CPNE4: variants seen among roughly 807,000 people sequenced by gnomAD.
CPNE4 encodes the protein copine 4, also known as copine-4.
A neutral mutation model predicts 67.9 loss-of-function variants in CPNE4; 25 were observed. That is an observed-to-expected ratio of 0.37 (90% CI 0.27 to 0.51). The LOEUF (loss-of-function observed/expected upper bound fraction) is 0.51, where lower values mean the gene tolerates loss of function less well. Ranked by LOEUF, CPNE4 falls within the 20% of genes least tolerant of loss-of-function variation. CPNE4 has a pLI of 0.93. For synonymous variants in CPNE4, 242 were observed against 244.9 expected, an observed-to-expected ratio of 0.99 and a Z score of 0.11; for missense variants, 464 against 690.8, an observed-to-expected ratio of 0.67 and a Z score of 3.68.
chr3:131,905,571 A>G, intron 1 of CPNE4, 127 bp from the exon 2 acceptor site: 2 of 824,330 alleles, frequency 2.4e-6, no homozygotes. Context: ...GAAGGTATTT[A>G]TCTCACTTTC....
intron 2 of CPNE4, among the ~76,000 whole-genome samples, chr3:131,751,636 G>A (rs2082627492): frequency 6.6e-6 from 1 of 152,000 alleles, no homozygotes; most frequent in Non-Finnish European, 1.5e-5. Context: ...TCATCTTAGT[G>A]TTGGAATACA....
intron 2 of CPNE4, among the ~76,000 whole-genome samples, chr3:131,825,986 C>T (rs1258498477): frequency 6.6e-6 from 1 of 152,182 alleles, no homozygotes; most frequent in Non-Finnish European, 1.5e-5. Context: ...TATCAGGTCA[C>T]TCAGAATTTA....
chr3:131,716,439 C>T (rs896242134), intron 3 of CPNE4, among the ~76,000 whole-genome samples: 3 of 152,096 alleles, frequency 2.0e-5, no homozygotes, highest in South Asian at 2.1e-4. Flanking sequence ...AATAAATACA[C>T]GTGTACGTGT....
chr3:131,675,046 C>T (rs1351843503), intron 6 of CPNE4, among the ~76,000 whole-genome samples: 1 of 151,818 alleles, frequency 6.6e-6, no homozygotes, highest in Non-Finnish European at 1.5e-5. Context: ...TTTACATTTC[C>T]TTCTTAATTT....
At chr3:131,780,722 G>A (rs547780999) in intron 2 of CPNE4, among the ~76,000 whole-genome samples, 2 of 152,228 alleles carry the variant, frequency 1.3e-5, no homozygotes, top group African/African-American at 4.8e-5. Context: ...TGGGTGTTAT[G>A]TTGATTGCCT....
At chr3:131,764,424 A>T (rs545016575) in intron 2 of CPNE4, among the ~76,000 whole-genome samples, 19 of 152,102 alleles carry the variant, frequency 1.2e-4, no homozygotes, top group Non-Finnish European at 1.6e-4. Flanking sequence ...AATTATTGTT[A>T]TGAAGAAATT....
chr3:131,976,750 C>T (rs1036243759), intron 1 of CPNE4, among the ~76,000 whole-genome samples: 5 of 151,518 alleles, frequency 3.3e-5, no homozygotes, highest in African/African-American at 1.2e-4. Context: ...ACTAAAAACA[C>T]CAAACACTAA....
chr3:131,848,969 A>AAC (rs1553786326), intron 2 of CPNE4, among the ~76,000 whole-genome samples: 14 of 148,586 alleles, frequency 9.4e-5, no homozygotes, highest in Non-Finnish European at 1.5e-4. Context: ...AAAAAAAAAA[A>AAC]AAAAAAAAAA....
chr3:131,869,147 C>T (rs74985698), intron 2 of CPNE4, among the ~76,000 whole-genome samples: 3,035 of 152,200 alleles, frequency 0.02, 94 homozygotes, highest in African/African-American at 0.068. Flanking sequence ...TCCATATCAG[C>T]TCTAGTTCTT....
chr3:131,537,999 A>G (rs1456010547), intron 15 of CPNE4, among the ~76,000 whole-genome samples: 1 of 152,190 alleles, frequency 6.6e-6, no homozygotes, highest in Non-Finnish European at 1.5e-5. Context: ...GCCTCTACCC[A>G]CTAGATATGA....
intron 2 of CPNE4, among the ~76,000 whole-genome samples, chr3:131,778,811 T>G (rs2107848609): frequency 6.6e-6 from 1 of 152,156 alleles, no homozygotes; most frequent in African/African-American, 2.4e-5. Context: ...CCACTCCTAT[T>G]CAACATAATC....
At chr3:131,723,319 T>G (rs2081932017) in intron 3 of CPNE4, 127 bp downstream of exon 3, 2 of 807,948 alleles carry the variant, frequency 2.5e-6, no homozygotes, top group South Asian at 3.6e-5. Flanking sequence ...AGTTGTAAAA[T>G]GCTGCATGTT....
chr3:131,706,474 G>A lies in CPNE4; in HGVS notation c.361-6494C>T, dbSNP rs1410589545. Among the ~76,000 whole-genome samples the A allele has an allele frequency of 2.0e-5, 3 of 152,206 alleles. No individual in the cohort carries two copies. The East Asian group carries it at 5.8e-4, about 29-fold the overall frequency. ...ATGAATGAGAAAATTGAGGTATACA[G>A]AATCGTAAACCGAAATTAAAATTCT... On this transcript the variant is annotated intron_variant, in intron 3 of 15. Coordinates refer to ENST00000429747, the MANE Select transcript of CPNE4 (RefSeq NM_130808.3).
In CPNE4 at chr3:131,952,201, G is replaced by A. The variant is rs1400288835; in HGVS notation, c.-1-46757C>T. Among the ~76,000 whole-genome samples the A allele has an allele frequency of 4.7e-3, 687 of 144,960 alleles. 6 individuals are homozygous for A. The highest frequency in any genetic ancestry group is 0.017 in the African/African-American group (648 of 38,706). On this transcript the variant is annotated intron_variant, in intron 1 of 15. Transcript: ENST00000429747. ...GCCCATCGTCTGAGATGTGGGGAGC[G>A]CCTCTGCCCCGCCGCCCCGTCTGGG...
In CPNE4 at chr3:131,832,625, G is replaced by T. The variant is rs182668304; in HGVS notation, c.180+72639C>A. 2.0e-5 allele frequency among the ~76,000 whole-genome samples: 3 copies of T among 152,314 alleles called. No homozygotes were observed. In the East Asian group the frequency reaches 5.8e-4, roughly 29 times the overall value. ...TATTTCTTCCTTTTGGAATGGAAAT[G>T]TCTATCCTACATCTGTCCCACTATT... On this transcript the variant is annotated intron_variant, in intron 2 of 15. Transcript: ENST00000429747.
intron 1 of CPNE4, among the ~76,000 whole-genome samples, chr3:131,993,491 C>G (rs1431521852): frequency 3.8e-5 from 1 of 26,104 alleles, no homozygotes; most frequent in Non-Finnish European, 7.9e-5. Context: ...AAAAAAAAAG[C>G]ATAGCTTTAG....
intron 2 of CPNE4, among the ~76,000 whole-genome samples, chr3:131,741,623 C>A (rs1418255978): frequency 6.6e-6 from 1 of 152,028 alleles, no homozygotes; most frequent in Non-Finnish European, 1.5e-5. Context: ...ACATAAAGCA[C>A]CTTGACACAG....
At chr3:131,672,176 CGGA>C (rs2080435451) in intron 6 of CPNE4, among the ~76,000 whole-genome samples, 1 of 152,064 alleles carries the variant, frequency 6.6e-6, no homozygotes. Context: ...TTTTAGAGTA[CGGA>C]ATAGTACTCC....
chr3:131,907,506 A>C (rs976153306), intron 1 of CPNE4, among the ~76,000 whole-genome samples: 1 of 151,748 alleles, frequency 6.6e-6, no homozygotes, highest in African/African-American at 2.4e-5. Flanking sequence ...ACACAGACAC[A>C]CACACACACA....
Sources: gnomAD v4.1 joint callset for allele counts (sites outside exome capture counted in the v4.1 genomes callset) on GRCh38, gnomAD v4.1.1 for gene constraint, MANE v1.5 for transcripts, NCBI Gene and HGNC (gene_info 2026-07-23, HGNC 2026-07-21) for gene names.